SPOCK1: variants seen among roughly 807,000 people sequenced by gnomAD.
SPOCK1 encodes the protein testican-1.
In SPOCK1, 23 loss-of-function variants were observed where a neutral mutation model predicts 55.3. That is an observed-to-expected ratio of 0.42 (90% CI 0.30 to 0.59). The LOEUF (loss-of-function observed/expected upper bound fraction) is 0.59. Ranked by LOEUF, SPOCK1 falls within the 20% of genes least tolerant of loss-of-function variation. SPOCK1 has a pLI of 0.22. For missense variants in SPOCK1, 499 were observed against 552.5 expected, an observed-to-expected ratio of 0.90 and a Z score of 0.97; for synonymous variants, 226 against 221.0, an observed-to-expected ratio of 1.02 and a Z score of -0.20.
chr5:136,981,842 G>A (rs1750737391), intron 9 of SPOCK1, among the ~76,000 whole-genome samples: 1 of 152,162 alleles, frequency 6.6e-6, no homozygotes, highest in South Asian at 2.1e-4. Flanking sequence ...AAACCACTGT[G>A]GCTATAATTC....
chr5:137,300,031 CATAT>C (rs1180807190), intron 2 of SPOCK1, among the ~76,000 whole-genome samples: 3 of 152,182 alleles, frequency 2.0e-5, no homozygotes, highest in Non-Finnish European at 4.4e-5. Flanking sequence ...TCCTATTACA[CATAT>C]ATTAGACCAC....
intron 3 of SPOCK1, among the ~76,000 whole-genome samples, chr5:137,160,953 A>C (rs1400029480): frequency 1.4e-5 from 2 of 147,146 alleles, no homozygotes; most frequent in Non-Finnish European, 3.0e-5. Context: ...TCATAATAGC[A>C]AAATCTTGGA....
At chr5:137,459,044 G>T (rs1161030902) in intron 2 of SPOCK1, among the ~76,000 whole-genome samples, 3 of 152,182 alleles carry the variant, frequency 2.0e-5, no homozygotes, top group African/African-American at 7.2e-5. Context: ...GTGGTCAGGT[G>T]GTCCAGTGAG....
chr5:137,444,155 G>T (rs1190330113), intron 2 of SPOCK1, among the ~76,000 whole-genome samples: 1 of 152,036 alleles, frequency 6.6e-6, no homozygotes, highest in African/African-American at 2.4e-5. Context: ...AATGCAATCT[G>T]CTCTGGACTT....
chr5:137,345,371 CTG>C (rs757821264), intron 2 of SPOCK1, among the ~76,000 whole-genome samples: 2 of 152,204 alleles, frequency 1.3e-5, no homozygotes, highest in Non-Finnish European at 2.9e-5. Context: ...TGGGGTGAGC[CTG>C]TGTCTGCCTC....
intron 3 of SPOCK1, among the ~76,000 whole-genome samples, chr5:137,186,986 G>A (rs1193665410): frequency 6.6e-6 from 1 of 152,162 alleles, no homozygotes; most frequent in Non-Finnish European, 1.5e-5. Flanking sequence ...ACTCCCTGTA[G>A]TTTCTGTGAT....
chr5:137,387,922 C>T (rs1201885306), intron 2 of SPOCK1, among the ~76,000 whole-genome samples: 1 of 152,022 alleles, frequency 6.6e-6, no homozygotes, highest in Non-Finnish European at 1.5e-5. Flanking sequence ...CAGTTTGTAA[C>T]CCCTGCTTTT....
chr5:137,197,153 C>T (rs11749305), intron 3 of SPOCK1, among the ~76,000 whole-genome samples: 16,674 of 152,144 alleles, frequency 0.11, 1,174 homozygotes, highest in East Asian at 0.22. Flanking sequence ...TTCATTTAGA[C>T]ATGAATCTCT....
At chr5:137,330,977 G>A (rs985194522) in intron 2 of SPOCK1, among the ~76,000 whole-genome samples, 20 of 152,184 alleles carry the variant, frequency 1.3e-4, no homozygotes, top group Non-Finnish European at 2.9e-4. Flanking sequence ...GGAGAAGGCC[G>A]GAGAGATGTT....
At chr5:137,189,685 G>A (rs186254420) in intron 3 of SPOCK1, among the ~76,000 whole-genome samples, 4 of 152,174 alleles carry the variant, frequency 2.6e-5, no homozygotes, top group Non-Finnish European at 5.9e-5. Context: ...CACGGATCAA[G>A]AGGTAATTTG....
At chr5:137,033,164 C>G (rs1751816114) in intron 6 of SPOCK1, among the ~76,000 whole-genome samples, 1 of 152,142 alleles carries the variant, frequency 6.6e-6, no homozygotes, top group African/African-American at 2.4e-5. Context: ...CTCGTGGCGG[C>G]CGAAGGCCTG....
At chr5:137,055,835 A>G (rs1185802603) in intron 6 of SPOCK1, among the ~76,000 whole-genome samples, 1 of 152,050 alleles carries the variant, frequency 6.6e-6, no homozygotes, top group Non-Finnish European at 1.5e-5. Flanking sequence ...GCATCTTCCC[A>G]GTGCAGAGGA....
At chr5:137,331,348 G>A (rs1758176684) in intron 2 of SPOCK1, among the ~76,000 whole-genome samples, 1 of 152,174 alleles carries the variant, frequency 6.6e-6, no homozygotes, top group Admixed American at 6.5e-5. Context: ...TTGCCAAAGT[G>A]TGGCCAAGAA....
At chr5:137,314,948 C>T (rs1410010118) in intron 2 of SPOCK1, among the ~76,000 whole-genome samples, 1 of 152,126 alleles carries the variant, frequency 6.6e-6, no homozygotes, top group Non-Finnish European at 1.5e-5. Flanking sequence ...GTCTCAATAC[C>T]CAGCAGAAAT....
At chr5:137,057,483 C>G (rs1752322264) in intron 6 of SPOCK1, among the ~76,000 whole-genome samples, 1 of 152,164 alleles carries the variant, frequency 6.6e-6, no homozygotes, top group Admixed American at 6.5e-5. Flanking sequence ...GACATTCCTG[C>G]TTTATATGTA....
At chr5:137,191,572 T>C (rs1755179421) in intron 3 of SPOCK1, among the ~76,000 whole-genome samples, 1 of 152,222 alleles carries the variant, frequency 6.6e-6, no homozygotes, top group South Asian at 2.1e-4. Context: ...AAATTTCTTT[T>C]TCAAAACTGC....
intron 5 of SPOCK1, among the ~76,000 whole-genome samples, chr5:137,105,016 C>A (rs895686359): frequency 6.6e-6 from 1 of 152,134 alleles, no homozygotes. Flanking sequence ...CTGTTGGTGT[C>A]CACTGTGGTC....
intron 2 of SPOCK1, among the ~76,000 whole-genome samples, chr5:137,454,881 A>T (rs536516809): frequency 1.3e-5 from 2 of 152,336 alleles, no homozygotes; most frequent in African/African-American, 4.8e-5. Context: ...CTTTTTGGAA[A>T]GCTGTCATGC....
At chr5:137,135,944 T>C (rs1753975736) in intron 4 of SPOCK1, among the ~76,000 whole-genome samples, 2 of 152,250 alleles carry the variant, frequency 1.3e-5, no homozygotes, top group South Asian at 2.1e-4. Context: ...AAAGCTGATA[T>C]GAACATGCAG....
Sources: gnomAD v4.1 joint callset for allele counts (sites outside exome capture counted in the v4.1 genomes callset) on GRCh38, gnomAD v4.1.1 for gene constraint, MANE v1.5 for transcripts, NCBI Gene and HGNC (gene_info 2026-07-23, HGNC 2026-07-21) for gene names.